WDR59: variants seen among roughly 807,000 people sequenced by gnomAD.
The protein encoded by WDR59 is WD repeat domain 59.
A neutral mutation model predicts 131.2 loss-of-function variants in WDR59; 100 were observed. The observed-to-expected ratio is 0.76, with a 90% CI of 0.65 to 0.90. WDR59 has a LOEUF of 0.90. Among genes scored for constraint, WDR59 ranks in the 40% least tolerant of loss-of-function variants. The pLI is 0.00. For synonymous variants in WDR59, 601 were observed against 466.2 expected (o/e 1.29, Z -3.72); for missense variants, 1,203 against 1,262.2 (o/e 0.95, Z 0.71).
intron 24 of WDR59, 136 bp from the exon 25 acceptor site, chr16:74,885,931 C>G (rs910822322): frequency 9.3e-7 from 1 of 1,080,422 alleles, no homozygotes; most frequent in Non-Finnish European, 1.3e-6. Context: ...ACTCCCAGCA[C>G]TTTGGGAGGC....
At chr16:74,920,576 T>C (rs931240465) in intron 10 of WDR59, among the ~76,000 whole-genome samples, 4 of 152,148 alleles carry the variant, frequency 2.6e-5, no homozygotes, top group Non-Finnish European at 4.4e-5. Flanking sequence ...CATTTTTGTA[T>C]TTTCAGCAGA....
intron 17 of WDR59, among the ~76,000 whole-genome samples, chr16:74,907,183 G>A (rs1377333152): frequency 6.6e-6 from 1 of 152,148 alleles, no homozygotes; most frequent in African/African-American, 2.4e-5. Context: ...TGGCAAAACA[G>A]CAGTGTCTGC....
chr16:74,927,908 C>CTTTTTTTTTT (rs539167503), intron 8 of WDR59, among the ~76,000 whole-genome samples: 2 of 124,488 alleles, frequency 1.6e-5, no homozygotes, highest in East Asian at 2.4e-4. Context: ...TTCTTTCTTT[C>CTTTTTTTTTT]TTTTTTTTTT....
intron 1 of WDR59, among the ~76,000 whole-genome samples, chr16:74,983,892 T>C (rs554370080): frequency 6.6e-6 from 1 of 151,932 alleles, no homozygotes; most frequent in East Asian, 1.9e-4. Flanking sequence ...GGTGGGAGGA[T>C]AGCTTGAGCC....
At chr16:74,915,651 T>G (rs747819101) in intron 13 of WDR59, 1 of 463,984 alleles carries the variant, frequency 2.2e-6, no homozygotes, top group Admixed American at 3.6e-5. Flanking sequence ...CCTGGCTTCC[T>G]GGTTTCAAGT....
intron 1 of WDR59, among the ~76,000 whole-genome samples, chr16:74,983,791 C>A (rs1462254193): frequency 2.6e-5 from 4 of 151,890 alleles, no homozygotes. Context: ...GCCTGGACAA[C>A]ATAGGGAGAC....
At chr16:74,900,619 T>G (rs957348196) in intron 18 of WDR59, among the ~76,000 whole-genome samples, 1 of 152,208 alleles carries the variant, frequency 6.6e-6, no homozygotes, top group Non-Finnish European at 1.5e-5. Context: ...GGTTCACTTG[T>G]CAAATGAATG....
chr16:74,974,496 T>C (rs1396064407), intron 1 of WDR59, among the ~76,000 whole-genome samples: 1 of 152,182 alleles, frequency 6.6e-6, no homozygotes, highest in Non-Finnish European at 1.5e-5. Flanking sequence ...CAAGGTAGTA[T>C]GCAGAAAAGA....
chr16:74,886,200 G>A, intron 24 of WDR59, 70 bp downstream of exon 24: 1 of 1,058,910 alleles, frequency 9.4e-7, no homozygotes, highest in East Asian at 2.3e-5. Flanking sequence ...AGTAAGAGTT[G>A]TGATTGTGGA....
At chr16:74,950,550 T>G (rs2032931242) in intron 4 of WDR59, among the ~76,000 whole-genome samples, 2 of 152,182 alleles carry the variant, frequency 1.3e-5, no homozygotes, top group African/African-American at 4.8e-5. Context: ...TTCTCCTTCC[T>G]AGACAGGCAG....
intron 1 of WDR59, among the ~76,000 whole-genome samples, chr16:74,974,134 C>T (rs779485496): frequency 1.2e-4 from 18 of 152,118 alleles, no homozygotes; most frequent in Non-Finnish European, 2.5e-4. Flanking sequence ...TATGCCACTG[C>T]ACTCCAACAT....
Position 74,919,322 on chromosome 16 carries a change from CT to C in WDR59, c.887-1315del, listed in dbSNP as rs374018094. On this transcript the variant is annotated intron_variant, in intron 10 of 25. Coordinates refer to ENST00000262144, the MANE Select transcript of WDR59 (RefSeq NM_030581.4). Reference sequence around the variant, plus strand: ...TCTCCTCAATTTGCTCTTGGAACACCTTTTTTTTTTTAATTTTTTGTATTTT... The same window carrying C: ...TCTCCTCAATTTGCTCTTGGAACACCTTTTTTTTTTAATTTTTTGTATTTT... Among the ~76,000 whole-genome samples the C allele has an allele frequency of 1.1e-3, 157 of 146,400 alleles. 2 individuals carry two copies. Among genetic ancestry groups the C allele is most frequent in the African/African-American group, 2.4e-3 (98 of 40,120 alleles).
Position 74,921,926 on chromosome 16 carries a change from C to T in WDR59, c.886+21G>A, listed in dbSNP as rs370411739. On this transcript the variant is annotated intron_variant, in intron 10 of 25. Coordinates refer to ENST00000262144, the MANE Select transcript of WDR59 (RefSeq NM_030581.4). Reference sequence around the variant, plus strand: ...CACCAGAGCTCAGAAGGAAAGTGGGCAGCAGGCCTCTCCCACTCACCTTCC... The same window carrying T: ...CACCAGAGCTCAGAAGGAAAGTGGGTAGCAGGCCTCTCCCACTCACCTTCC... 7 of 1,609,996 alleles carry T rather than the reference C, an allele frequency of 4.3e-6. No homozygotes were observed. In the Admixed American group the frequency reaches 5.0e-5, roughly 12 times the overall value.
intron 14 of WDR59, among the ~76,000 whole-genome samples, chr16:74,911,507 G>A (rs1966087598): frequency 6.6e-6 from 1 of 152,166 alleles, no homozygotes. Flanking sequence ...GGTATGAAGA[G>A]GCTCATGGGG....
At chr16:74,903,329 C>A (rs1395289414) in intron 18 of WDR59, among the ~76,000 whole-genome samples, 1 of 152,100 alleles carries the variant, frequency 6.6e-6, no homozygotes, top group Non-Finnish European at 1.5e-5. Context: ...GCTTTCTCTG[C>A]CAACTTTCTC....
intron 17 of WDR59, among the ~76,000 whole-genome samples, chr16:74,908,310 T>C (rs1466674377): frequency 1.3e-5 from 2 of 152,024 alleles, no homozygotes; most frequent in Admixed American, 6.6e-5. Context: ...CCCAGCTACT[T>C]GGGAGGCTGA....
chr16:74,938,156 A>C lies in WDR59; in HGVS notation c.645T>G (p.Ser215=). ...CCCCATGGGTGCCACTGACCTTCAC[A>C]GAATTGTCTTGACTGGAGGTAGCAA... ...HILATSSQDN[S]VKFWDYRQPR... Residue 215 remains serine, a synonymous_variant, in exon 8 of 26, where the codon TCT becomes TCG. Coordinates refer to ENST00000262144, the MANE Select transcript of WDR59 (RefSeq NM_030581.4). 3.9e-6 allele frequency: 6 copies of C among 1,542,756 alleles called. No homozygotes were observed. Among genetic ancestry groups the C allele is most frequent in the Non-Finnish European group, 4.4e-6 (5 of 1,144,484 alleles).
intron 18 of WDR59, among the ~76,000 whole-genome samples, chr16:74,897,726 G>C (rs1965364211): frequency 6.6e-6 from 1 of 152,192 alleles, no homozygotes. Flanking sequence ...ACGGGACAGT[G>C]CTGTAAATTT....
chr16:74,981,635 TATATA>T (rs2034416184), intron 1 of WDR59, among the ~76,000 whole-genome samples: 2 of 25,740 alleles, frequency 7.8e-5, no homozygotes, highest in African/African-American at 3.2e-4. Context: ...TATATATATA[TATATA>T]TATATATATA....
Sources: gnomAD v4.1 joint callset for allele counts (sites outside exome capture counted in the v4.1 genomes callset) on GRCh38, gnomAD v4.1.1 for gene constraint, MANE v1.5 for transcripts, NCBI Gene and HGNC (gene_info 2026-07-23, HGNC 2026-07-21) for gene names.